ZC3H7B: variants seen among roughly 807,000 people sequenced by gnomAD.
ZC3H7B encodes the protein zinc finger CCCH-type containing 7B.
A neutral mutation model predicts 116.0 loss-of-function variants in ZC3H7B; 35 were observed. The ratio of observed to expected loss-of-function variants is 0.30; its 90% CI spans 0.23 to 0.40. The LOEUF (loss-of-function observed/expected upper bound fraction) is 0.40, where lower values mean the gene tolerates loss of function less well. Among genes scored for constraint, ZC3H7B ranks in the 10% least tolerant of loss-of-function variants. The pLI, the probability that ZC3H7B is intolerant of heterozygous loss-of-function variation, is 1.00. For synonymous variants in ZC3H7B, 502 were observed against 545.6 expected (o/e 0.92, Z 1.11); for missense variants, 1,011 against 1,321.5 (o/e 0.77, Z 3.64).
At position 41,356,766 on chromosome 22, in the gene ZC3H7B, G is replaced by C; in HGVS notation, c.2639G>C (p.Trp880Ser). The C allele has an allele frequency of 6.2e-7, 1 of 1,613,586 alleles. No individual in the cohort carries two copies. The highest frequency in any genetic ancestry group is 1.1e-5 in the South Asian group (1 of 91,084). ...VFTSDSDASG[W>S]AFRFPMGEFR... Reference sequence around the variant, plus strand: ...ACGTCCGACAGTGACGCCAGCGGCTGGGCCTTCCGCTTCCCCATGGGCGAG... The same window carrying C: ...ACGTCCGACAGTGACGCCAGCGGCTCGGCCTTCCGCTTCCCCATGGGCGAG... The change falls in exon 22 of 23, where the codon TGG becomes TCG. Residue 880 changes from tryptophan (W) to serine (S), a missense_variant. By Grantham distance (177) the Trp-to-Ser change is radical. Coordinates refer to ENST00000352645, the MANE Select transcript of ZC3H7B (RefSeq NM_017590.6).
At chr22:41,341,986 T>C (rs2036528308) in intron 11 of ZC3H7B, among the ~76,000 whole-genome samples, 1 of 149,566 alleles carries the variant, frequency 6.7e-6, no homozygotes, top group African/African-American at 2.5e-5. Context: ...CGCTTGAACC[T>C]GGGAGGTGGA....
At chr22:41,353,755 G>A (rs1311234323) in intron 17 of ZC3H7B, among the ~76,000 whole-genome samples, 1 of 152,220 alleles carries the variant, frequency 6.6e-6, no homozygotes, top group Non-Finnish European at 1.5e-5. Flanking sequence ...CCACCACCTC[G>A]AGCATTCCCT....
rs867413446 is a variant in ZC3H7B, at chr22:41,346,081, C to G, written c.1538C>G (p.Thr513Ser). Residue 513 changes from threonine (T) to serine (S), a missense_variant, in exon 14 of 23, where the codon ACC (threonine) becomes AGC (serine). This residue lies in a region of ZC3H7B where 179 missense variants were observed against 178.5 expected (regional missense o/e 1.00). Transcript: ENST00000352645. The surrounding 1 kb of genome is among the most constrained non-coding windows in gnomAD (Gnocchi z 5.3). The part of the protein sequence containing the change: ...AYHQEEIDVW[T>S]EERKGTLNRD... ...CATCAGGAGGAGATCGACGTGTGGA[C>G]CGAGGAGCGGAAGGGCACCCTCAAC... 4 of 1,613,894 alleles carry G rather than the reference C, an allele frequency of 2.5e-6. No individual in the cohort carries two copies. The highest frequency in any genetic ancestry group is 3.4e-6 in the Non-Finnish European group (4 of 1,179,990).
Position 41,351,857 on chromosome 22 carries a change from C to G in ZC3H7B, c.2034+211C>G, listed in dbSNP as rs112098508. ...TTTTATTTTGAGACAGGGTCTTGCT[C>G]TGTCACCCAGCCTGGAGTGCAGTGG... On this transcript the variant is annotated intron_variant, in intron 17 of 22. Coordinates refer to ENST00000352645, the MANE Select transcript of ZC3H7B (RefSeq NM_017590.6). This position sits in a 1 kb window ranked among gnomAD's most constrained non-coding sequence, Gnocchi z 5.1. Among the ~76,000 whole-genome samples, 2,483 of 152,132 alleles carry G rather than the reference C, an allele frequency of 0.016. 75 individuals are homozygous for G. The highest frequency in any genetic ancestry group is 0.056 in the African/African-American group (2,337 of 41,462).
Position 41,341,078 on chromosome 22 carries a change from C to G in ZC3H7B, c.1139-10C>G. The G allele has an allele frequency of 6.2e-7, 1 of 1,611,776 alleles. No individual in the cohort carries two copies. The highest frequency in any genetic ancestry group is 1.1e-5 in the South Asian group (1 of 90,694). ...AGAGCCACTGACCCCTGTGTCTTCTCCCTGCCCAGAGGAGACCAACTCACA... is the reference window on the plus strand; with the variant it reads ...AGAGCCACTGACCCCTGTGTCTTCTGCCTGCCCAGAGGAGACCAACTCACA... On this transcript the variant is annotated splice_polypyrimidine_tract_variant and intron_variant, in intron 10 of 22. Transcript: ENST00000352645.
chr22:41,349,084 A>T lies in ZC3H7B; in HGVS notation c.1767-36A>T, dbSNP rs1046598297. 7.5e-6 allele frequency: 12 copies of T among 1,607,166 alleles called. No homozygotes were observed. Among genetic ancestry groups the T allele is most frequent in the Non-Finnish European group, 1.0e-5 (12 of 1,176,442 alleles). On this transcript the variant is annotated intron_variant, in intron 15 of 22. Coordinates refer to ENST00000352645, the MANE Select transcript of ZC3H7B (RefSeq NM_017590.6). The surrounding 1 kb of genome is among the most constrained non-coding windows in gnomAD (Gnocchi z 4.9). Reference sequence around the variant, plus strand: ...GGAGAGAAGGTCAGAGGGGCTGCGGACTGCATCGTGCCCCTCCTGCCTGCC... The same window carrying T: ...GGAGAGAAGGTCAGAGGGGCTGCGGTCTGCATCGTGCCCCTCCTGCCTGCC...
intron 1 of ZC3H7B, among the ~76,000 whole-genome samples, chr22:41,309,778 C>T (rs1265038195): frequency 6.6e-6 from 1 of 152,092 alleles, no homozygotes; most frequent in East Asian, 1.9e-4. Context: ...CTGTGTTCCC[C>T]TAGCACCTGG....
intron 9 of ZC3H7B, 120 bp from the exon 10 acceptor site, chr22:41,339,696 T>G: frequency 1.1e-6 from 1 of 875,610 alleles, no homozygotes; most frequent in Non-Finnish European, 1.7e-6. Flanking sequence ...TGCTCCCACA[T>G]GGGACAGGAT....
In ZC3H7B at chr22:41,357,123, G is replaced by T. The variant is rs2036732125; in HGVS notation, c.2682-54G>T. 7 of 1,596,288 alleles carry T rather than the reference G, an allele frequency of 4.4e-6. No individual in the cohort carries two copies. Among genetic ancestry groups the T allele is most frequent in the Non-Finnish European group, 6.0e-6 (7 of 1,172,860 alleles). On this transcript the variant is annotated intron_variant, in intron 22 of 22. Transcript: ENST00000352645. The surrounding 1 kb of genome is among the most constrained non-coding windows in gnomAD (Gnocchi z 5.4). Reference sequence around the variant, plus strand: ...TCAAGCGGCCGGCCCCAGATGGACAGCCTGGGGTGGGAAGGGCACAGAGCT... The same window carrying T: ...TCAAGCGGCCGGCCCCAGATGGACATCCTGGGGTGGGAAGGGCACAGAGCT...
At chr22:41,345,941 C>G in intron 13 of ZC3H7B, 62 bp from the exon 14 acceptor site, 1 of 1,570,166 alleles carries the variant, frequency 6.4e-7, no homozygotes. Context: ...AGCGGGGTGG[C>G]GAGGGTGCTG....
Position 41,338,864 on chromosome 22 carries a change from C to A in ZC3H7B, c.626-137C>A. On this transcript the variant is annotated intron_variant, in intron 8 of 22. Transcript: ENST00000352645. The surrounding 1 kb of genome is among the most constrained non-coding windows in gnomAD (Gnocchi z 4.5). Reference sequence around the variant, plus strand: ...CTGAGCATCTGCCAGTGGGATCAGCCGATGGGGAAGGCAGGGCTCCTGGCA... The same window carrying A: ...CTGAGCATCTGCCAGTGGGATCAGCAGATGGGGAAGGCAGGGCTCCTGGCA... The A allele has an allele frequency of 9.8e-7, 1 of 1,017,514 alleles. No individual in the cohort carries two copies. Among genetic ancestry groups the A allele is most frequent in the Non-Finnish European group, 1.4e-6 (1 of 712,470 alleles). The allele number at this position is 1,017,514 out of a possible 1,614,324, so 63.0% of individuals were successfully genotyped here. A position where few individuals can be genotyped will look rare whatever the true frequency, so the allele number is the denominator to read the frequency against.
At chr22:41,340,208 G>A (rs1444583021) in intron 10 of ZC3H7B, 71 bp downstream of exon 10, 6 of 1,457,254 alleles carry the variant, frequency 4.1e-6, no homozygotes. Flanking sequence ...TTTGGTGCCT[G>A]GAGAGTGGAG....
At chr22:41,320,367 G>A (rs2036239353) in intron 1 of ZC3H7B, among the ~76,000 whole-genome samples, 1 of 151,572 alleles carries the variant, frequency 6.6e-6, no homozygotes. Flanking sequence ...CCTTGAACTT[G>A]AGGGTGTCCA....
chr22:41,318,100 C>T (rs1039368242), intron 1 of ZC3H7B, among the ~76,000 whole-genome samples: 8 of 152,200 alleles, frequency 5.3e-5, no homozygotes, highest in Non-Finnish European at 4.4e-5. Flanking sequence ...TGTGACTCCT[C>T]TACCTTAGGG....
chr22:41,309,706 G>C (rs575109814), intron 1 of ZC3H7B, among the ~76,000 whole-genome samples: 1 of 152,066 alleles, frequency 6.6e-6, no homozygotes, highest in Non-Finnish European at 1.5e-5. Context: ...TGCATTTCAC[G>C]CTGGTTTATT....
rs2036758664 is a variant in ZC3H7B, at chr22:41,359,262, T to C, written c.*1833T>C. 6.5e-6 allele frequency: 1 copy of C among 152,712 alleles called. No individual in the cohort carries two copies. Among genetic ancestry groups the C allele is most frequent in the Non-Finnish European group, 1.5e-5 (1 of 68,104 alleles). 9.5% of individuals were successfully genotyped at this position (152,712 alleles called of 1,614,324 possible). A position where few individuals can be genotyped will look rare whatever the true frequency, so the allele number is the denominator to read the frequency against. ...TCACCAGCCTTGTTTCTAGTGTGTA[T>C]ATATGTCGCCCCCGTGATGCATATA... On this transcript the variant is annotated 3_prime_UTR_variant, in exon 23 of 23. Coordinates refer to ENST00000352645, the MANE Select transcript of ZC3H7B (RefSeq NM_017590.6).
intron 13 of ZC3H7B, 39 bp from the exon 14 acceptor site, chr22:41,345,964 C>G: frequency 6.2e-7 from 1 of 1,610,082 alleles, no homozygotes; most frequent in Non-Finnish European, 8.5e-7. Flanking sequence ...GGCTGCTATC[C>G]CCGCCTGGCG....
intron 1 of ZC3H7B, among the ~76,000 whole-genome samples, chr22:41,310,066 G>A (rs1014535009): frequency 1.3e-5 from 2 of 151,976 alleles, no homozygotes; most frequent in African/African-American, 2.4e-5. Context: ...TTAGCCAGGC[G>A]TGGTGGCGGG....
At chr22:41,348,625 C>T (rs2036618935) in intron 15 of ZC3H7B, among the ~76,000 whole-genome samples, 1 of 152,202 alleles carries the variant, frequency 6.6e-6, no homozygotes, top group Non-Finnish European at 1.5e-5. Flanking sequence ...CTTGGTTCTG[C>T]CATGGTGTGC....
Sources: allele counts gnomAD v4.1 joint callset (sites outside exome capture counted in the v4.1 genomes callset), GRCh38; gene constraint gnomAD v4.1.1; regional missense constraint gnomAD v4.1.1; non-coding constraint Gnocchi (gnomAD v3.1); transcripts MANE v1.5; gene names NCBI Gene and HGNC (gene_info 2026-07-23, HGNC 2026-07-21).